Variants in ABTB2 observed in about 807,000 individuals in gnomAD.
The protein encoded by ABTB2 is ankyrin repeat and BTB domain containing 2, also known as ankyrin repeat and BTB/POZ domain-containing protein 2.
Under a neutral mutation model 104.1 loss-of-function variants are expected in ABTB2, and 56 were observed. The ratio of observed to expected loss-of-function variants is 0.54; its 90% CI spans 0.43 to 0.67. The LOEUF (loss-of-function observed/expected upper bound fraction) is 0.67, where lower values mean the gene tolerates loss of function less well. Among genes scored for constraint, ABTB2 ranks in the 30% least tolerant of loss-of-function variants. The pLI, the probability that ABTB2 is intolerant of heterozygous loss-of-function variation, is 0.00. For missense variants in ABTB2, 1,279 were observed against 1,407.7 expected (o/e 0.91, Z 1.46); for synonymous variants, 606 against 608.2 (o/e 1.00, Z 0.05).
chr11:34,341,659 GGC>G (rs1177150667), intron 1 of ABTB2, among the ~76,000 whole-genome samples: 3 of 152,104 alleles, frequency 2.0e-5, no homozygotes, highest in Non-Finnish European at 2.9e-5. Flanking sequence ...TGTGGCAAGT[GGC>G]TGCCGTATTG....
chr11:34,267,988 T>G (rs1291995331), intron 1 of ABTB2, among the ~76,000 whole-genome samples: 1 of 152,200 alleles, frequency 6.6e-6, no homozygotes, highest in Non-Finnish European at 1.5e-5. Flanking sequence ...TGGAGTGCAG[T>G]GGCTTGATCT....
rs1852773628 is a variant in ABTB2, at chr11:34,164,667, G to C, written c.1988+19C>G. 6.7e-7 allele frequency: 1 copy of C among 1,484,228 alleles called. No homozygotes were observed. The highest frequency in any genetic ancestry group is 2.9e-5 in the Admixed American group (1 of 34,052). The allele number at this position is 1,484,228 out of a possible 1,614,324, so 91.9% of individuals were successfully genotyped here. On this transcript the variant is annotated intron_variant, in intron 9 of 16. Coordinates refer to ENST00000435224, the MANE Select transcript of ABTB2 (RefSeq NM_145804.3). ...TCAGTGCCCTCATGTCACACAGGGT[G>C]GGAATCCCGGGCAGGTACCTGTGGC...
At chr11:34,264,766 G>A (rs1320245722) in intron 1 of ABTB2, among the ~76,000 whole-genome samples, 1 of 152,190 alleles carries the variant, frequency 6.6e-6, no homozygotes, top group Non-Finnish European at 1.5e-5. Flanking sequence ...CTAGTCCAGG[G>A]TGAATGCCAC....
chr11:34,207,088 G>A (rs1437435729), intron 1 of ABTB2, among the ~76,000 whole-genome samples: 1 of 152,216 alleles, frequency 6.6e-6, no homozygotes, highest in East Asian at 1.9e-4. Flanking sequence ...GGGAAGAGCT[G>A]GCCGTAAGCT....
intron 1 of ABTB2, among the ~76,000 whole-genome samples, chr11:34,247,417 A>G (rs1195510319): frequency 1.3e-5 from 2 of 152,268 alleles, no homozygotes; most frequent in Non-Finnish European, 2.9e-5. Flanking sequence ...TCAGTAATCA[A>G]TAAGTTACAT....
rs1855181083 is a variant in ABTB2 at position 34,335,349 on chromosome 11, C to A, written c.883+21352G>T. 3 of 926,330 alleles carry A rather than the reference C, an allele frequency of 3.2e-6. No homozygotes were observed. The South Asian group carries it at 3.9e-5, about 12-fold the overall frequency. The allele number at this position is 926,330 out of a possible 1,614,324, so 57.4% of individuals were successfully genotyped here. A position where few individuals can be genotyped will look rare whatever the true frequency, so the allele number is the denominator to read the frequency against. The stretch of plus-strand genomic sequence containing the variant: ...TGGGTCAGTAAAGTCAGCCCAATAT[C>A]CCTCAGCACAAAGAGTACAGCAAAT... On this transcript the variant is annotated intron_variant, in intron 1 of 16. Coordinates refer to ENST00000435224, the MANE Select transcript of ABTB2 (RefSeq NM_145804.3).
At chr11:34,160,085 CGT>C in intron 12 of ABTB2, 77 bp from the exon 13 acceptor site, 1 of 1,349,402 alleles carries the variant, frequency 7.4e-7, no homozygotes, top group Non-Finnish European at 1.1e-6. Flanking sequence ...CTGTGAGGTG[CGT>C]GTCTGGGGTT....
chr11:34,160,798 G>T, intron 11 of ABTB2, 105 bp downstream of exon 11: 1 of 1,280,766 alleles, frequency 7.8e-7, no homozygotes, highest in Non-Finnish European at 1.1e-6. Flanking sequence ...CGTTGGGTGA[G>T]GGGGTCCCTG....
At chr11:34,330,173 G>A (rs909832356) in intron 1 of ABTB2, among the ~76,000 whole-genome samples, 5 of 152,268 alleles carry the variant, frequency 3.3e-5, no homozygotes, top group Admixed American at 3.3e-4. Context: ...AAACCCTTCT[G>A]CACTTCATTT....
rs780753177 is a variant in ABTB2, at chr11:34,357,343, C to T, written c.241G>A (p.Val81Met). The change falls in exon 1 of 17, where the codon GTG becomes ATG. Residue 81 changes from valine to methionine, a missense_variant. Transcript: ENST00000435224. ...VNTVLPEDPE[V>M]ADLFSRCPRL... ...GGACAGCGCGAGAAGAGGTCGGCCACTTCGGGGTCCTCGGGCAGCACCGTG... is the reference window on the plus strand; with the variant it reads ...GGACAGCGCGAGAAGAGGTCGGCCATTTCGGGGTCCTCGGGCAGCACCGTG... The T allele has an allele frequency of 2.0e-6, 3 of 1,524,784 alleles. No individual in the cohort carries two copies. Among genetic ancestry groups the T allele is most frequent in the South Asian group, 2.4e-5 (2 of 81,706 alleles). 94.5% of individuals were successfully genotyped at this position (1,524,784 alleles called of 1,614,324 possible).
At chr11:34,353,719 GA>G (rs1286963640) in intron 1 of ABTB2, among the ~76,000 whole-genome samples, 3 of 152,196 alleles carry the variant, frequency 2.0e-5, no homozygotes, top group African/African-American at 4.8e-5. Context: ...TTCTTGGTTG[GA>G]AGACATTAAG....
At chr11:34,266,446 G>A (rs1178757859) in intron 1 of ABTB2, among the ~76,000 whole-genome samples, 1 of 152,116 alleles carries the variant, frequency 6.6e-6, no homozygotes, top group Non-Finnish European at 1.5e-5. Context: ...CCTCATCCGT[G>A]AGCAGAGCTG....
intron 1 of ABTB2, among the ~76,000 whole-genome samples, chr11:34,299,067 T>C (rs1854664657): frequency 1.3e-5 from 2 of 152,232 alleles, no homozygotes; most frequent in Admixed American, 1.3e-4. Flanking sequence ...TAAAATTGTC[T>C]GAAGTTAAAA....
intron 1 of ABTB2, among the ~76,000 whole-genome samples, chr11:34,215,636 C>T (rs80085826): frequency 2.0e-5 from 3 of 152,174 alleles, no homozygotes; most frequent in Non-Finnish European, 4.4e-5. Flanking sequence ...TGACTCTGGA[C>T]TAGTTACTTG....
chr11:34,164,812 T>C lies in ABTB2; in HGVS notation c.1862A>G (p.Glu621Gly). 1 of 1,586,952 alleles carries C rather than the reference T, an allele frequency of 6.3e-7. No individual in the cohort carries two copies. Residue 621 changes from glutamate to glycine, a missense_variant, in exon 9 of 17, where the codon GAG becomes GGG. Glu to Gly is a moderately conservative substitution (Grantham distance 98, BLOSUM62 -2). Coordinates refer to ENST00000435224, the MANE Select transcript of ABTB2 (RefSeq NM_145804.3). ...LQLASAAGNY[E>G]LVSLLLSRGA... ...TCGGCTCAGCAACAAACTGACCAGC[T>C]CATAGTTCCCTGAAAGAGAAGGTGG...
At chr11:34,236,931 G>A (rs1853851933) in intron 1 of ABTB2, among the ~76,000 whole-genome samples, 1 of 152,110 alleles carries the variant, frequency 6.6e-6, no homozygotes, top group Non-Finnish European at 1.5e-5. Context: ...TCTCTCCTTG[G>A]TGAACCTCAA....
At chr11:34,287,384 C>A (rs1854517939) in intron 1 of ABTB2, among the ~76,000 whole-genome samples, 1 of 152,046 alleles carries the variant, frequency 6.6e-6, no homozygotes, top group African/African-American at 2.4e-5. Context: ...CATGGCAAAA[C>A]CCTGTCTCTA....
At chr11:34,247,021 ATT>A in intron 1 of ABTB2, among the ~76,000 whole-genome samples, 1 of 151,638 alleles carries the variant, frequency 6.6e-6, no homozygotes, top group African/African-American at 2.4e-5. Context: ...CTAATTTTGT[ATT>A]TTTAGTAGAG....
At chr11:34,174,415 A>G (rs1322607925) in intron 3 of ABTB2, among the ~76,000 whole-genome samples, 1 of 152,040 alleles carries the variant, frequency 6.6e-6, no homozygotes, top group Admixed American at 6.5e-5. Context: ...TCCGAGTATC[A>G]CTAAGAGCCC....
Sources: gnomAD v4.1 joint callset for allele counts (sites outside exome capture counted in the v4.1 genomes callset) on GRCh38, gnomAD v4.1.1 for gene constraint, MANE v1.5 for transcripts, NCBI Gene and HGNC (gene_info 2026-07-23, HGNC 2026-07-21) for gene names.